CHL1: variants seen among roughly 807,000 people sequenced by gnomAD.
CHL1 encodes cell adhesion molecule L1 like, also known as neural cell adhesion molecule L1-like protein.
A neutral mutation model predicts 141.9 loss-of-function variants in CHL1; 96 were observed. The observed-to-expected ratio is 0.68, with a 90% CI of 0.57 to 0.80. The LOEUF is 0.80. Ranked by LOEUF, CHL1 falls within the 30% of genes least tolerant of loss-of-function variation. CHL1 has a pLI of 0.00. For missense variants in CHL1, 1,820 were observed against 1,457.2 expected, an observed-to-expected ratio of 1.25 and a Z score of -4.05; for synonymous variants, 613 against 502.2, an observed-to-expected ratio of 1.22 and a Z score of -2.95.
chr3:344,466 AACACACACAC>A (rs56787746), intron 8 of CHL1, 113 bp from the exon 9 acceptor site: 70 of 563,054 alleles, frequency 1.2e-4, no homozygotes, highest in African/African-American at 7.6e-4. Context: ...ATGTGTATAG[AACACACACAC>A]ACACACACAC....
At chr3:247,401 C>T (rs945898910) in intron 2 of CHL1, 12 of 152,024 alleles carry the variant, frequency 7.9e-5, no homozygotes, top group African/African-American at 2.9e-4. Context: ...ATTCTCTACA[C>T]ATTGGTCTCA....
chr3:249,965 A>T (rs986767412), intron 2 of CHL1, among the ~76,000 whole-genome samples: 3 of 151,968 alleles, frequency 2.0e-5, no homozygotes, highest in Admixed American at 2.0e-4. Flanking sequence ...AATAGGAAAA[A>T]AAAGCATACT....
At chr3:355,656 C>T (rs958606064) in intron 11 of CHL1, among the ~76,000 whole-genome samples, 6 of 152,172 alleles carry the variant, frequency 3.9e-5, no homozygotes, top group Non-Finnish European at 7.4e-5. Context: ...CCTCGGGTCC[C>T]GTCTAGGATG....
rs1709579442 is a variant in CHL1 at position 407,145 on chromosome 3, C to T, written c.*1434C>T. ...ATGATGCATACATGTCGGTCAAGTT[C>T]AGCGCTCGACATTTTATGGAAAGAT... On this transcript the variant is annotated 3_prime_UTR_variant, in exon 28 of 28. Coordinates refer to ENST00000256509, the MANE Select transcript of CHL1 (RefSeq NM_006614.4). The T allele has an allele frequency of 6.6e-6, 1 of 152,096 alleles. No individual in the cohort carries two copies. The highest frequency in any genetic ancestry group is 1.5e-5 in the Non-Finnish European group (1 of 68,014). 9.4% of individuals were successfully genotyped at this position (152,096 alleles called of 1,614,324 possible).
chr3:330,136 G>C lies in CHL1; in HGVS notation c.385+1782G>C, dbSNP rs115308759. On this transcript the variant is annotated intron_variant, in intron 5 of 27. Transcript: ENST00000256509. ...TATATTTGATGATATATTGGGCTAT[G>C]AGGAAAATATCAAAATGTAATTAAG... is the stretch of plus-strand genomic sequence containing the variant. Among the ~76,000 whole-genome samples, 821 of 152,186 alleles carry C rather than the reference G, an allele frequency of 5.4e-3. 3 individuals carry two copies. The highest frequency in any genetic ancestry group is 0.019 in the African/African-American group (781 of 41,548).
Position 382,567 on chromosome 3 carries a change from C to T in CHL1, c.2072C>T (p.Pro691Leu). The T allele has an allele frequency of 6.2e-7, 1 of 1,613,758 alleles. No homozygotes were observed. The highest frequency in any genetic ancestry group is 8.5e-7 in the Non-Finnish European group (1 of 1,179,820). The change falls in exon 18 of 28, where the codon CCT becomes CTT. Residue 691 changes from proline to leucine, a missense_variant. Physicochemically the swap from Pro to Leu is moderately conservative, Grantham distance 98 (BLOSUM62 -3). Coordinates refer to ENST00000256509, the MANE Select transcript of CHL1 (RefSeq NM_006614.4). ...GGAAAGAAAACCACAGTTATCTTAC[C>T]TTTGGCTCCATTTGTGAGATACCAG... ...VQGKKTTVILPLAPFVRYQFR... is the reference protein window; with the variant it reads ...VQGKKTTVILLLAPFVRYQFR...
Position 319,718 on chromosome 3 carries a change from A to C in CHL1, c.-59A>C. The C allele has an allele frequency of 1.8e-6, 2 of 1,140,378 alleles. No individual in the cohort carries two copies. Among genetic ancestry groups the C allele is most frequent in the South Asian group, 1.3e-5 (1 of 76,336 alleles). The allele number at this position is 1,140,378 out of a possible 1,614,324, so 70.6% of individuals were successfully genotyped here. On this transcript the variant is annotated 5_prime_UTR_variant, in exon 3 of 28. Coordinates refer to ENST00000256509, the MANE Select transcript of CHL1 (RefSeq NM_006614.4). The stretch of plus-strand genomic sequence containing the variant: ...AACTAAGGTCTCAGCTGTAAACCAA[A>C]AGTGAGAGGAGACATTAAGATTTTC...
At chr3:294,871 A>G (rs1698044084) in intron 2 of CHL1, among the ~76,000 whole-genome samples, 1 of 152,240 alleles carries the variant, frequency 6.6e-6, no homozygotes, top group South Asian at 2.1e-4. Context: ...CATGTCATTA[A>G]TTTATTCCTT....
intron 5 of CHL1, among the ~76,000 whole-genome samples, chr3:334,778 A>G (rs1701730289): frequency 6.6e-6 from 1 of 152,128 alleles, no homozygotes. Flanking sequence ...ACTGTTAGGG[A>G]CAGTCTATCA....
intron 1 of CHL1, chr3:197,637 G>A (rs1197135317): frequency 2.7e-6 from 1 of 366,460 alleles, no homozygotes; most frequent in Non-Finnish European, 5.4e-6. Context: ...GCCCGGGGGG[G>A]GTTCCGAAAA....
At chr3:375,889 C>T (rs1292318581) in intron 15 of CHL1, among the ~76,000 whole-genome samples, 2 of 152,134 alleles carry the variant, frequency 1.3e-5, no homozygotes, top group African/African-American at 4.8e-5. Context: ...ATAGTGCCTT[C>T]AGGGAAACAC....
intron 3 of CHL1, among the ~76,000 whole-genome samples, chr3:324,419 G>T (rs1293893873): frequency 2.0e-5 from 3 of 151,976 alleles, no homozygotes; most frequent in Non-Finnish European, 4.4e-5. Flanking sequence ...CTAAAACTGG[G>T]ATGTCTCCTT....
intron 2 of CHL1, among the ~76,000 whole-genome samples, chr3:276,185 A>G (rs963760473): frequency 6.6e-6 from 1 of 152,114 alleles, no homozygotes; most frequent in Admixed American, 6.6e-5. Flanking sequence ...TGTGAAGGTA[A>G]AGATCATTAT....
intron 2 of CHL1, among the ~76,000 whole-genome samples, chr3:314,325 A>T (rs866140295): frequency 1.8e-5 from 1 of 55,214 alleles, no homozygotes; most frequent in African/African-American, 1.3e-4. Flanking sequence ...CTCTCTCTCT[A>T]TGTGTATATA....
chr3:203,633 G>A (rs1302505504), intron 1 of CHL1, among the ~76,000 whole-genome samples: 1 of 152,262 alleles, frequency 6.6e-6, no homozygotes, highest in Non-Finnish European at 1.5e-5. Flanking sequence ...ATGGGAAGGT[G>A]AAGTTCCTGG....
At chr3:277,588 G>A (rs1302349820) in intron 2 of CHL1, among the ~76,000 whole-genome samples, 1 of 151,940 alleles carries the variant, frequency 6.6e-6, no homozygotes, top group Non-Finnish European at 1.5e-5. Flanking sequence ...CTGTACTTGG[G>A]ATTTATTTCT....
intron 1 of CHL1, among the ~76,000 whole-genome samples, chr3:203,963 T>A (rs1699183546): frequency 2.0e-5 from 3 of 152,206 alleles, no homozygotes; most frequent in Non-Finnish European, 4.4e-5. Flanking sequence ...AAAGCTAGAA[T>A]TGACAAAAAC....
chr3:332,834 A>G (rs1349449359), intron 5 of CHL1, among the ~76,000 whole-genome samples: 1 of 152,200 alleles, frequency 6.6e-6, no homozygotes, highest in Non-Finnish European at 1.5e-5. Context: ...CAGATAAAAT[A>G]TCTTTTGTAG....
intron 1 of CHL1, among the ~76,000 whole-genome samples, chr3:231,529 T>C (rs1049528548): frequency 1.1e-4 from 16 of 151,968 alleles, no homozygotes; most frequent in African/African-American, 3.9e-4. Flanking sequence ...TTTATATTCA[T>C]TGAAATTTTC....
Sources: gnomAD v4.1 joint callset for allele counts (sites outside exome capture counted in the v4.1 genomes callset) on GRCh38, gnomAD v4.1.1 for gene constraint, MANE v1.5 for transcripts, NCBI Gene and HGNC (gene_info 2026-07-23, HGNC 2026-07-21) for gene names.